The following PCF11 variants were observed in gnomAD, a reference collection of about 807,000 sequenced individuals.
PCF11 encodes pre-mRNA cleavage complex 2 protein Pcf11.
In PCF11, 19 loss-of-function variants were observed where a neutral mutation model predicts 166.1. The observed-to-expected ratio is 0.11, with a 90% CI of 0.08 to 0.17. PCF11 has a LOEUF of 0.17. Ranked by LOEUF, PCF11 falls within the 10% of genes least tolerant of loss-of-function variation. PCF11 has a pLI of 1.00. For missense variants in PCF11, 1,565 were observed against 1,855.5 expected (o/e 0.84, Z 2.88); for synonymous variants, 663 against 644.1 (o/e 1.03, Z -0.44).
intron 11 of PCF11, among the ~76,000 whole-genome samples, chr11:83,178,199 T>C (rs1295817813): frequency 6.6e-6 from 1 of 151,936 alleles, no homozygotes; most frequent in Non-Finnish European, 1.5e-5. Flanking sequence ...TTTGTATTTT[T>C]AGTAGAGATG....
At chr11:83,169,058 G>T (rs1163882821) in exon 8 of PCF11, 1 of 1,613,314 alleles carries the variant, frequency 6.2e-7, no homozygotes, top group South Asian at 1.1e-5. Context: ...GATAATCCCC[G>T]AGGTCAGCCT....
intron 2 of PCF11, 123 bp downstream of exon 2, chr11:83,161,575 C>A: frequency 3.1e-6 from 2 of 636,916 alleles, no homozygotes; most frequent in Non-Finnish European, 5.0e-6. Context: ...GGACATTTAT[C>A]GTTAGTACCA....
intron 9 of PCF11, among the ~76,000 whole-genome samples, chr11:83,176,140 G>A (rs1371859010): frequency 6.6e-6 from 1 of 152,194 alleles, no homozygotes; most frequent in Non-Finnish European, 1.5e-5. Flanking sequence ...GTACTTAGAA[G>A]ATGAGGAAGA....
exon 5 of PCF11, chr11:83,165,964 A>G: frequency 6.2e-7 from 1 of 1,603,012 alleles, no homozygotes; most frequent in Non-Finnish European, 8.5e-7. Context: ...ACCAAGAAAG[A>G]ACTTGACCAA....
chr11:83,173,603 A>G (rs1860765945), intron 9 of PCF11, among the ~76,000 whole-genome samples: 1 of 151,352 alleles, frequency 6.6e-6, no homozygotes, highest in East Asian at 1.9e-4. Context: ...TGCTATATTA[A>G]TGTATTTTCC....
intron 11 of PCF11, among the ~76,000 whole-genome samples, chr11:83,179,644 C>T (rs1861016369): frequency 6.6e-6 from 1 of 152,104 alleles, no homozygotes; most frequent in African/African-American, 2.4e-5. Flanking sequence ...TGGCTCATGC[C>T]TGTAATCCCA....
intron 1 of PCF11, among the ~76,000 whole-genome samples, chr11:83,160,321 GTT>G (rs35201107): frequency 0.023 from 2,088 of 91,158 alleles, 30 homozygotes; most frequent in African/African-American, 0.083. Context: ...GATAACCTAA[GTT>G]TTTTTTTTTT....
At chr11:83,165,749 C>G (rs1411048012) in exon 5 of PCF11, 1 of 1,613,528 alleles carries the variant, frequency 6.2e-7, no homozygotes, top group South Asian at 1.1e-5. Flanking sequence ...CAGGACCATC[C>G]TTACAAATTC....
intron 9 of PCF11, among the ~76,000 whole-genome samples, chr11:83,174,386 G>GTTT (rs71463154): frequency 7.0e-6 from 1 of 142,726 alleles, no homozygotes; most frequent in Non-Finnish European, 1.5e-5. Flanking sequence ...TATTTTTAAA[G>GTTT]TTTTTTTTTT....
At position 83,182,023 on chromosome 11, in the gene PCF11, G is replaced by GT. The variant is rs746513343; in HGVS notation, c.4323+17dup. The stretch of plus-strand genomic sequence containing the variant: ...GGAGCAGTTGAGGTGAGAGAAGAAC[G>GT]TTTAAGTTTTCTCACAGTGGGAGTG... On this transcript the variant is annotated intron_variant, in intron 13 of 15. Transcript: ENST00000298281. 13 of 1,586,266 alleles carry GT rather than the reference G, an allele frequency of 8.2e-6. No individual in the cohort carries two copies. Among genetic ancestry groups the GT allele is most frequent in the Admixed American group, 1.9e-5 (1 of 52,868 alleles).
At chr11:83,176,347 A>C (rs182361969) in intron 9 of PCF11, among the ~76,000 whole-genome samples, 10 of 152,372 alleles carry the variant, frequency 6.6e-5, no homozygotes, top group African/African-American at 2.4e-4. Flanking sequence ...TATATACCCA[A>C]AGGATTATAA....
At chr11:83,161,431 A>G (rs952355242) in exon 2 of PCF11, 2 of 1,591,262 alleles carry the variant, frequency 1.3e-6, no homozygotes, top group Admixed American at 1.9e-5. Context: ...TAGTTGCAAC[A>G]TTTATTTGTG....
At position 83,167,787 on chromosome 11, in the gene PCF11, T is replaced by C. The variant is rs1355853577; in HGVS notation, c.2092+282T>C. 4 of 1,393,378 alleles carry C rather than the reference T, an allele frequency of 2.9e-6. No individual in the cohort carries two copies. The highest frequency in any genetic ancestry group is 3.8e-6 in the Non-Finnish European group (4 of 1,057,290). 86.3% of individuals were successfully genotyped at this position (1,393,378 alleles called of 1,614,324 possible). A position where few individuals can be genotyped will look rare whatever the true frequency, so the allele number is the denominator to read the frequency against. ...AGCACAGTTTGACAGAAAAGAACAATTTAGTGAAAGAGCAAGACGTCTTTC... is the reference window on the plus strand; with the variant it reads ...AGCACAGTTTGACAGAAAAGAACAACTTAGTGAAAGAGCAAGACGTCTTTC... On this transcript the variant is annotated intron_variant, in intron 7 of 15. Coordinates refer to ENST00000298281, the Ensembl canonical transcript of PCF11. This position sits in a 1 kb window ranked among gnomAD's most constrained non-coding sequence, Gnocchi z 4.2.
At chr11:83,159,457 T>C (rs902159342) in intron 1 of PCF11, among the ~76,000 whole-genome samples, 1 of 152,178 alleles carries the variant, frequency 6.6e-6, no homozygotes. Context: ...CAAAGAACCT[T>C]GCTGGTTTTT....
chr11:83,174,937 A>G (rs1427429672), intron 9 of PCF11, among the ~76,000 whole-genome samples: 3 of 152,230 alleles, frequency 2.0e-5, no homozygotes, highest in Non-Finnish European at 4.4e-5. Context: ...GTATTCAGAC[A>G]TTTAGTTTGA....
At chr11:83,178,921 A>T (rs11233506) in intron 11 of PCF11, among the ~76,000 whole-genome samples, 14,512 of 152,188 alleles carry the variant, frequency 0.095, 812 homozygotes, top group Middle Eastern at 0.21. Flanking sequence ...CTTTATGGAT[A>T]ACAACTGTTA....
rs969796588 is a variant in PCF11, at chr11:83,177,281, A to C, written c.3877+77A>C. ...GATGTATGATGTAATATAATGATAT[A>C]AGTTATGATAAAGGTCCTTACAATA... On this transcript the variant is annotated intron_variant, in intron 10 of 15. Transcript: ENST00000298281. The C allele has an allele frequency of 9.0e-5, 100 of 1,108,070 alleles. No homozygotes were observed. In the South Asian group the frequency reaches 1.8e-3, roughly 19 times the overall value. 68.6% of individuals were successfully genotyped at this position (1,108,070 alleles called of 1,614,324 possible).
intron 2 of PCF11, 88 bp downstream of exon 2, chr11:83,161,540 G>C (rs528455296): frequency 9.9e-7 from 1 of 1,009,992 alleles, no homozygotes; most frequent in African/African-American, 1.7e-5. Context: ...GGGTTTTCTT[G>C]GGTGGTGAAA....
At chr11:83,166,380 C>T (rs749650462) in exon 5 of PCF11, 77 of 1,613,628 alleles carry the variant, frequency 4.8e-5, no homozygotes, top group Non-Finnish European at 6.1e-5. Flanking sequence ...TATACATTCC[C>T]CAAAGAGAAG....
Sources: allele counts gnomAD v4.1 joint callset (sites outside exome capture counted in the v4.1 genomes callset), GRCh38; gene constraint gnomAD v4.1.1; non-coding constraint Gnocchi (gnomAD v3.1); transcripts MANE v1.5; gene names NCBI Gene and HGNC (gene_info 2026-07-23, HGNC 2026-07-21).